Variants in KNDC1 observed in about 807,000 individuals in gnomAD.
KNDC1 encodes kinase non-catalytic C-lobe domain containing 1.
A neutral mutation model predicts 172.8 loss-of-function variants in KNDC1; 106 were observed. The ratio of observed to expected loss-of-function variants is 0.61; its 90% CI spans 0.52 to 0.72. The LOEUF (loss-of-function observed/expected upper bound fraction) is 0.72, where lower values mean the gene tolerates loss of function less well. Among genes scored for constraint, KNDC1 ranks in the 30% least tolerant of loss-of-function variants. The pLI is 0.00. For missense variants in KNDC1, 2,325 were observed against 2,394.5 expected, an observed-to-expected ratio of 0.97 and a Z score of 0.61; for synonymous variants, 1,083 against 1,062.2, an observed-to-expected ratio of 1.02 and a Z score of -0.38.
Position 133,183,856 on chromosome 10 carries a change from G to A in KNDC1, c.508-16G>A, listed in dbSNP as rs755167603. ...CCTCCTCCGAGCCTTCCTGTCTGAG[G>A]TGTTCCCGTCCCCAGAGCATCATCG... On this transcript the variant is annotated splice_polypyrimidine_tract_variant and intron_variant, in intron 4 of 29. Coordinates refer to ENST00000304613, the MANE Select transcript of KNDC1 (RefSeq NM_152643.8). The A allele has an allele frequency of 3.0e-5, 47 of 1,552,424 alleles. No homozygotes were observed. Among genetic ancestry groups the A allele is most frequent in the Admixed American group, 1.8e-5 (1 of 55,164 alleles).
At position 133,186,349 on chromosome 10, in the gene KNDC1, C is replaced by T. The variant is rs1247169148; in HGVS notation, c.1001C>T (p.Ser334Leu). ...LTRGKSQLPI[S>L]ELFSPDPRKA... Reference sequence around the variant, plus strand: ...CGCGGGAAAAGCCAGCTGCCCATATCGGAATTATTCTCTCCGGACCCCAGG... The same window carrying T: ...CGCGGGAAAAGCCAGCTGCCCATATTGGAATTATTCTCTCCGGACCCCAGG... Residue 334 changes from serine to leucine, a missense_variant, in exon 6 of 30, where the codon TCG becomes TTG. Transcript: ENST00000304613. 3.7e-6 allele frequency: 6 copies of T among 1,612,626 alleles called. No individual in the cohort carries two copies. Among genetic ancestry groups the T allele is most frequent in the East Asian group, 2.2e-5 (1 of 44,892 alleles).
At chr10:133,179,719 C>G (rs1305365995) in intron 3 of KNDC1, among the ~76,000 whole-genome samples, 3 of 152,230 alleles carry the variant, frequency 2.0e-5, no homozygotes, top group Non-Finnish European at 2.9e-5. Flanking sequence ...ACCGGGATGC[C>G]CATCGCGATC....
Position 133,164,838 on chromosome 10 carries a change from G to A in KNDC1, c.103-2543G>A, listed in dbSNP as rs536141267. Among the ~76,000 whole-genome samples, 159 of 152,264 alleles carry A rather than the reference G, an allele frequency of 1.0e-3. 1 individual carries two copies. Among genetic ancestry groups the A allele is most frequent in the African/African-American group, 3.7e-3 (153 of 41,558 alleles). On this transcript the variant is annotated intron_variant, in intron 1 of 29. Transcript: ENST00000304613. ...GATGTGGCGGGGGGAGCCCAAGGAC[G>A]TGGGATCCCCAGGCTGCTGAGTGCT... is the stretch of plus-strand genomic sequence containing the variant.
At chr10:133,185,563 G>T (rs568138749) in intron 5 of KNDC1, among the ~76,000 whole-genome samples, 26 of 152,068 alleles carry the variant, frequency 1.7e-4, no homozygotes, top group Non-Finnish European at 3.5e-4. Flanking sequence ...CGCCGTGTGT[G>T]GGAGGCGGCC....
At chr10:133,194,979 C>T (rs751640404) in intron 9 of KNDC1, among the ~76,000 whole-genome samples, 12 of 152,200 alleles carry the variant, frequency 7.9e-5, no homozygotes, top group Admixed American at 2.0e-4. Context: ...TGGGTCTGTC[C>T]GGCTTCACTT....
chr10:133,200,744 G>A (rs1320367633), intron 16 of KNDC1, among the ~76,000 whole-genome samples: 1 of 152,190 alleles, frequency 6.6e-6, no homozygotes, highest in Non-Finnish European at 1.5e-5. Flanking sequence ...GGACCTTGGA[G>A]GTGGGGGGTC....
At chr10:133,181,008 A>G (rs1490939888) in intron 3 of KNDC1, among the ~76,000 whole-genome samples, 1 of 152,192 alleles carries the variant, frequency 6.6e-6, no homozygotes, top group African/African-American at 2.4e-5. Flanking sequence ...AGTGGAGGTG[A>G]CCTGGGACCC....
Position 133,205,432 on chromosome 10 carries a change from G to A in KNDC1, c.3388-1253G>A, listed in dbSNP as rs565669390. ...CGACAGCCCTGGGGATGAGGTCCCC[G>A]GCTCCATCTCGCAGGCAGGAACTCA... On this transcript the variant is annotated intron_variant, in intron 17 of 29. Transcript: ENST00000304613. Among the ~76,000 whole-genome samples the A allele has an allele frequency of 9.8e-5, 15 of 152,336 alleles. No individual in the cohort carries two copies. The South Asian group carries it at 1.5e-3, about 15-fold the overall frequency.
chr10:133,173,424 T>C (rs1211149978), intron 3 of KNDC1, among the ~76,000 whole-genome samples: 4 of 152,250 alleles, frequency 2.6e-5, no homozygotes, highest in Non-Finnish European at 5.9e-5. Context: ...TGAATGTTCC[T>C]CAACCTGTAG....
chr10:133,173,341 T>G (rs888422191), intron 3 of KNDC1, among the ~76,000 whole-genome samples: 1 of 152,220 alleles, frequency 6.6e-6, no homozygotes, highest in African/African-American at 2.4e-5. Context: ...CTTTTCTGAC[T>G]CGAGCTGGAC....
In KNDC1 at chr10:133,209,014, G is replaced by T. The variant is rs184263355; in HGVS notation, c.3795-1597G>T. 6.8e-6 allele frequency among the ~76,000 whole-genome samples: 1 copy of T among 148,092 alleles called. No individual in the cohort carries two copies. The highest frequency in any genetic ancestry group is 1.5e-5 in the Non-Finnish European group (1 of 66,870). ...GTGTGGTGTGTGGTTGTGGGATATC[G>T]TGTGGTGTAGTAGGTACGTGTGCGG... On this transcript the variant is annotated intron_variant, in intron 20 of 29. Transcript: ENST00000304613. This position sits in a 1 kb window ranked among gnomAD's most constrained non-coding sequence, Gnocchi z 4.9.
intron 1 of KNDC1, among the ~76,000 whole-genome samples, chr10:133,160,837 A>T (rs1265851511): frequency 1.3e-5 from 2 of 151,968 alleles, no homozygotes; most frequent in Non-Finnish European, 2.9e-5. Flanking sequence ...CTGGCGGGAC[A>T]GTGTGGGGGC....
chr10:133,214,185 G>C, intron 26 of KNDC1, 63 bp downstream of exon 26: 1 of 1,574,806 alleles, frequency 6.3e-7, no homozygotes, highest in South Asian at 1.1e-5. Flanking sequence ...GGGGGTGGCA[G>C]CGCCTCCTAT....
intron 29 of KNDC1, among the ~76,000 whole-genome samples, chr10:133,223,979 G>GT (rs1491288675): frequency 8.3e-6 from 1 of 119,978 alleles, no homozygotes; most frequent in Non-Finnish European, 1.8e-5. Flanking sequence ...TCTTCCCGGC[G>GT]TGTGTGTGTG....
At chr10:133,184,947 G>A (rs992933991) in intron 5 of KNDC1, among the ~76,000 whole-genome samples, 7 of 152,286 alleles carry the variant, frequency 4.6e-5, no homozygotes, top group African/African-American at 1.4e-4. Context: ...CATCTGGGGC[G>A]TTTGTGGCTC....
At chr10:133,182,316 T>C (rs1378154869) in intron 3 of KNDC1, among the ~76,000 whole-genome samples, 1 of 151,948 alleles carries the variant, frequency 6.6e-6, no homozygotes, top group East Asian at 1.9e-4. Flanking sequence ...GCGCGTCCAC[T>C]CAGCCAGCCC....
intron 3 of KNDC1, chr10:133,174,217 T>A (rs986594335): frequency 2.0e-5 from 3 of 152,304 alleles, no homozygotes. Context: ...AGGCTCTTGT[T>A]TGCATCAGAG....
Position 133,186,557 on chromosome 10 carries a change from G to A in KNDC1, c.1209G>A (p.Gln403=). Residue 403 remains glutamine, a synonymous_variant, in exon 6 of 30, where the codon CAG becomes CAA. Transcript: ENST00000304613. ...AGCCCGAGACTTCACACCCCAGCCA[G>A]GGGCCAGCAGAGGCCCCTGCAGACC... ...PGQPETSHPS[Q]GPAEAPADPR... The A allele has an allele frequency of 6.2e-7, 1 of 1,610,402 alleles. No individual in the cohort carries two copies. The highest frequency in any genetic ancestry group is 1.1e-5 in the South Asian group (1 of 91,074).
At chr10:133,189,836 GCCCCAGCCCTGC>G in intron 9 of KNDC1, 23 bp downstream of exon 9, 1 of 1,593,960 alleles carries the variant, frequency 6.3e-7, no homozygotes, top group South Asian at 1.1e-5. Flanking sequence ...TCCCCACCCT[GCCCCAGCCCTGC>G]CCCCAGCCCT....
Sources: allele counts gnomAD v4.1 joint callset (sites outside exome capture counted in the v4.1 genomes callset), GRCh38; gene constraint gnomAD v4.1.1; non-coding constraint Gnocchi (gnomAD v3.1); transcripts MANE v1.5; gene names NCBI Gene and HGNC (gene_info 2026-07-23, HGNC 2026-07-21).